Variants in EXOC4 observed in about 807,000 individuals in gnomAD.
EXOC4 encodes the protein SEC8-like 1.
A neutral mutation model predicts 107.2 loss-of-function variants in EXOC4; 71 were observed. The ratio of observed to expected loss-of-function variants is 0.66; its 90% CI spans 0.55 to 0.81. The LOEUF is 0.81. EXOC4 is among the 30% of genes least tolerant of loss of function. EXOC4 has a pLI of 0.00. For missense variants in EXOC4, 1,108 were observed against 1,189.6 expected, an observed-to-expected ratio of 0.93 and a Z score of 1.01; for synonymous variants, 456 against 441.2, an observed-to-expected ratio of 1.03 and a Z score of -0.42.
intron 11 of EXOC4, among the ~76,000 whole-genome samples, chr7:133,870,928 C>G (rs1009131231): frequency 3.9e-5 from 6 of 152,172 alleles, no homozygotes; most frequent in Non-Finnish European, 7.3e-5. Context: ...TCAGTTCACT[C>G]TCCATCCACT....
intron 14 of EXOC4, among the ~76,000 whole-genome samples, chr7:133,954,198 A>G (rs1041370682): frequency 2.0e-5 from 3 of 152,234 alleles, no homozygotes; most frequent in Non-Finnish European, 4.4e-5. Context: ...TGGCATTGTC[A>G]CTGTTCCTGG....
intron 12 of EXOC4, among the ~76,000 whole-genome samples, chr7:133,905,668 C>G (rs114815874): frequency 0.02 from 2,992 of 152,242 alleles, 120 homozygotes; most frequent in African/African-American, 0.068. Flanking sequence ...TAAGGAGGCT[C>G]TCTGCCTTGT....
intron 9 of EXOC4, among the ~76,000 whole-genome samples, chr7:133,506,085 A>G (rs771851237): frequency 2.8e-4 from 43 of 152,154 alleles, no homozygotes; most frequent in Admixed American, 1.4e-3. Context: ...AAAAATATTC[A>G]TATTCTATAG....
At chr7:133,954,481 C>T (rs1470384834) in intron 14 of EXOC4, among the ~76,000 whole-genome samples, 1 of 152,124 alleles carries the variant, frequency 6.6e-6, no homozygotes, top group African/African-American at 2.4e-5. Flanking sequence ...TATTTTTAAA[C>T]TTATATAATG....
At chr7:133,285,194 A>G (rs920641493) in intron 2 of EXOC4, among the ~76,000 whole-genome samples, 15 of 152,166 alleles carry the variant, frequency 9.9e-5, no homozygotes, top group Middle Eastern at 3.2e-3. Context: ...CATCTAAGCC[A>G]TACAGCATAC....
At chr7:133,959,182 T>G (rs1800884050) in intron 14 of EXOC4, among the ~76,000 whole-genome samples, 1 of 152,116 alleles carries the variant, frequency 6.6e-6, no homozygotes, top group African/African-American at 2.4e-5. Flanking sequence ...GAGTAATGTT[T>G]GAGGAAACCT....
chr7:133,813,166 T>C (rs1162312695), intron 10 of EXOC4, among the ~76,000 whole-genome samples: 4 of 152,136 alleles, frequency 2.6e-5, no homozygotes, highest in Non-Finnish European at 4.4e-5. Context: ...AAGAAATCAC[T>C]CAGCCAAAAG....
chr7:133,414,531 A>G (rs538882584), intron 7 of EXOC4, among the ~76,000 whole-genome samples: 1 of 152,132 alleles, frequency 6.6e-6, no homozygotes, highest in Non-Finnish European at 1.5e-5. Flanking sequence ...TCATTGTAGC[A>G]CTGTCTACTT....
the EXOC4 span, among the ~76,000 whole-genome samples, chr7:134,092,975 T>A: frequency 6.9e-6 from 1 of 144,662 alleles, no homozygotes; most frequent in Non-Finnish European, 1.5e-5. Flanking sequence ...CAGAAATACA[T>A]ACTTAAGTAC....
intron 10 of EXOC4, among the ~76,000 whole-genome samples, chr7:133,789,951 A>G (rs1286872902): frequency 6.6e-6 from 1 of 152,182 alleles, no homozygotes; most frequent in African/African-American, 2.4e-5. Context: ...CTCTTTCTGG[A>G]TAGGGAGATC....
intron 7 of EXOC4, among the ~76,000 whole-genome samples, chr7:133,443,636 C>G (rs949778851): frequency 6.6e-6 from 1 of 152,112 alleles, no homozygotes; most frequent in African/African-American, 2.4e-5. Context: ...TTGTCTTGAC[C>G]TCCTGGGGGC....
At chr7:134,069,205 GTTC>G (rs201983674), downstream of EXOC4, among the ~76,000 whole-genome samples, 933 of 71,660 alleles carry the variant, frequency 0.013, 16 homozygotes, top group African/African-American at 0.059. Flanking sequence ...CCCTTTACCA[GTTC>G]TTCTTCTTCT....
intron 9 of EXOC4, among the ~76,000 whole-genome samples, chr7:133,592,855 C>T (rs1801582604): frequency 6.6e-6 from 1 of 152,162 alleles, no homozygotes; most frequent in Non-Finnish European, 1.5e-5. Context: ...CCCGCTTTGG[C>T]CTCCCAAAGT....
intron 10 of EXOC4, among the ~76,000 whole-genome samples, chr7:133,789,318 C>G (rs1459612267): frequency 1.3e-5 from 2 of 152,310 alleles, no homozygotes; most frequent in Non-Finnish European, 2.9e-5. Flanking sequence ...ATTACAGCCA[C>G]ACAGAAGCTC....
intron 7 of EXOC4, among the ~76,000 whole-genome samples, chr7:133,437,436 A>T (rs1234529884): frequency 1.3e-5 from 2 of 152,134 alleles, no homozygotes; most frequent in Non-Finnish European, 2.9e-5. Context: ...TCTGGTGATC[A>T]CTTACTATTT....
intron 13 of EXOC4, among the ~76,000 whole-genome samples, chr7:133,937,195 C>G (rs1800324380): frequency 6.6e-6 from 1 of 152,084 alleles, no homozygotes; most frequent in Non-Finnish European, 1.5e-5. Context: ...CGCCCTGCCC[C>G]CTGCAAAACA....
At chr7:133,603,002 T>C (rs112467751) in intron 9 of EXOC4, among the ~76,000 whole-genome samples, 2 of 152,000 alleles carry the variant, frequency 1.3e-5, no homozygotes, top group Admixed American at 1.3e-4. Context: ...TGTCTACTAC[T>C]ACCCCAGTTA....
intron 9 of EXOC4, among the ~76,000 whole-genome samples, chr7:133,528,661 G>C (rs530994643): frequency 6.6e-5 from 10 of 152,118 alleles, no homozygotes; most frequent in Non-Finnish European, 1.5e-4. Flanking sequence ...GAATATATGA[G>C]TACTCCGTGT....
intron 3 of EXOC4, 110 bp downstream of exon 3, chr7:133,289,226 G>C: frequency 1.1e-6 from 1 of 877,790 alleles, no homozygotes; most frequent in South Asian, 2.0e-5. Context: ...CTGCCCTCTT[G>C]GGATTCATGA....
Sources: gnomAD v4.1 joint callset for allele counts (sites outside exome capture counted in the v4.1 genomes callset) on GRCh38, gnomAD v4.1.1 for gene constraint, MANE v1.5 for transcripts, NCBI Gene and HGNC (gene_info 2026-07-23, HGNC 2026-07-21) for gene names.